C16orf78: variants seen among roughly 807,000 people sequenced by gnomAD.
The protein encoded by C16orf78 is uncharacterized protein C16orf78.
Under a neutral mutation model 27.3 loss-of-function variants are expected in C16orf78, and 19 were observed. The observed-to-expected ratio is 0.70, with a 90% CI of 0.49 to 1.02. C16orf78 has a LOEUF of 1.02. Among genes scored for constraint, C16orf78 ranks in the 50% least tolerant of loss-of-function variants. The pLI is 0.00. For synonymous variants in C16orf78, 130 were observed against 116.1 expected, an observed-to-expected ratio of 1.12 and a Z score of -0.77; for missense variants, 339 against 337.0, an observed-to-expected ratio of 1.01 and a Z score of -0.05.
At chr16:49,389,513 T>G (rs1181677798) in intron 3 of C16orf78, among the ~76,000 whole-genome samples, 1 of 152,062 alleles carries the variant, frequency 6.6e-6, no homozygotes, top group Non-Finnish European at 1.5e-5. Context: ...GGAGAATCAC[T>G]TGGACCTGGG....
At chr16:49,386,164 A>C (rs1965348284) in intron 3 of C16orf78, among the ~76,000 whole-genome samples, 1 of 152,256 alleles carries the variant, frequency 6.6e-6, no homozygotes, top group African/African-American at 2.4e-5. Flanking sequence ...ATAACAACTG[A>C]AATATTTATT....
chr16:49,381,103 C>G (rs2151611629), intron 3 of C16orf78, among the ~76,000 whole-genome samples: 1 of 152,226 alleles, frequency 6.6e-6, no homozygotes, highest in Admixed American at 6.5e-5. Context: ...TTAGGATTGA[C>G]TTGGCGATGC....
chr16:49,382,566 A>G (rs1282820715), intron 3 of C16orf78, among the ~76,000 whole-genome samples: 1 of 152,074 alleles, frequency 6.6e-6, no homozygotes, highest in Admixed American at 6.5e-5. Flanking sequence ...CCCTAGTTAC[A>G]TGTCTTTGCA....
intron 3 of C16orf78, among the ~76,000 whole-genome samples, chr16:49,394,083 C>A (rs2151615799): frequency 6.6e-6 from 1 of 152,114 alleles, no homozygotes; most frequent in Non-Finnish European, 1.5e-5. Context: ...TTAACATTTT[C>A]CCACTAAAAA....
chr16:49,390,636 ATACTAGC>A lies in C16orf78; in HGVS notation c.395-5785_395-5779del, dbSNP rs1965401295. Among the ~76,000 whole-genome samples the A allele has an allele frequency of 3.3e-5, 5 of 152,354 alleles. No homozygotes were observed. The South Asian group carries it at 1.0e-3, about 32-fold the overall frequency. ...TTGGAGGGCATAACAAGAGTATGTC[ATACTAGC>A]TGTTGCCATGTTCTTGTCTACTAAT... On this transcript the variant is annotated intron_variant, in intron 3 of 4. Transcript: ENST00000299191.
rs545079182 is a variant in C16orf78 at position 49,382,180 on chromosome 16, C to T, written c.394+3587C>T. 1.2e-4 allele frequency among the ~76,000 whole-genome samples: 18 copies of T among 152,096 alleles called. No individual in the cohort carries two copies. The South Asian group carries it at 1.9e-3, about 16-fold the overall frequency. ...ATCGCAAGAACAAAAAACCAAACAC[C>T]GCATATTCTCACTCATAGGTGGGAA... On this transcript the variant is annotated intron_variant, in intron 3 of 4. Coordinates refer to ENST00000299191, the MANE Select transcript of C16orf78 (RefSeq NM_144602.4).
At chr16:49,383,064 GA>G (rs1965307413) in intron 3 of C16orf78, among the ~76,000 whole-genome samples, 1 of 152,312 alleles carries the variant, frequency 6.6e-6, no homozygotes, top group African/African-American at 2.4e-5. Flanking sequence ...CATTCAAGTC[GA>G]ATCCACTCTA....
rs188534922 is a variant in C16orf78 at position 49,375,653 on chromosome 16, G to A, written c.150+1564G>A. 1.7e-3 allele frequency among the ~76,000 whole-genome samples: 259 copies of A among 152,228 alleles called. 2 individuals carry two copies. The highest frequency in any genetic ancestry group is 5.8e-3 in the African/African-American group (240 of 41,538). ...AGATTACAACTTGACATGAGATTTGGGGAGAGACGCAGATCCAAACCATAC... is the reference window on the plus strand; with the variant it reads ...AGATTACAACTTGACATGAGATTTGAGGAGAGACGCAGATCCAAACCATAC... On this transcript the variant is annotated intron_variant, in intron 1 of 4. Coordinates refer to ENST00000299191, the MANE Select transcript of C16orf78 (RefSeq NM_144602.4).
intron 3 of C16orf78, among the ~76,000 whole-genome samples, chr16:49,391,077 A>G (rs561972555): frequency 6.6e-6 from 1 of 152,242 alleles, no homozygotes; most frequent in Non-Finnish European, 1.5e-5. Context: ...GGCTGAAGGC[A>G]GAAGTCTCAG....
chr16:49,386,794 T>C (rs532525468), intron 3 of C16orf78, among the ~76,000 whole-genome samples: 1 of 152,350 alleles, frequency 6.6e-6, no homozygotes, highest in African/African-American at 2.4e-5. Context: ...TTTTTATGGC[T>C]GCATAGTATT....
chr16:49,388,237 T>C (rs1965373190), intron 3 of C16orf78, among the ~76,000 whole-genome samples: 1 of 152,182 alleles, frequency 6.6e-6, no homozygotes, highest in African/African-American at 2.4e-5. Context: ...TGGTTATTTC[T>C]TGTTTTCTGC....
At chr16:49,398,040 C>T (rs1965495545) in intron 4 of C16orf78, among the ~76,000 whole-genome samples, 1 of 152,188 alleles carries the variant, frequency 6.6e-6, no homozygotes, top group African/African-American at 2.4e-5. Context: ...TGCTGGATTA[C>T]AGATGTGAGC....
chr16:49,391,614 C>T (rs1017189898), intron 3 of C16orf78, among the ~76,000 whole-genome samples: 2 of 152,188 alleles, frequency 1.3e-5, no homozygotes, highest in African/African-American at 4.8e-5. Flanking sequence ...CAATGTTCTC[C>T]TTTGTCAAAT....
chr16:49,382,258 C>G (rs1311777978), intron 3 of C16orf78, among the ~76,000 whole-genome samples: 1 of 151,902 alleles, frequency 6.6e-6, no homozygotes, highest in Non-Finnish European at 1.5e-5. Context: ...ACTCTGGGGA[C>G]TGTTGTGGGG....
Position 49,378,455 on chromosome 16 carries a change from C to A in C16orf78, c.271-15C>A, listed in dbSNP as rs1326968055. On this transcript the variant is annotated splice_polypyrimidine_tract_variant and intron_variant, in intron 2 of 4. Coordinates refer to ENST00000299191, the MANE Select transcript of C16orf78 (RefSeq NM_144602.4). ...CCTGTAACTGGGGTGTGACTTCTCA[C>A]CTGCTCCCTCCAAGGCCTTAGGAAA... The A allele has an allele frequency of 1.3e-6, 2 of 1,562,164 alleles. No homozygotes were observed. The highest frequency in any genetic ancestry group is 1.7e-6 in the Non-Finnish European group (2 of 1,152,458).
chr16:49,377,702 T>C, intron 1 of C16orf78, 29 bp from the exon 2 acceptor site: 3 of 1,595,306 alleles, frequency 1.9e-6, no homozygotes, highest in Non-Finnish European at 2.6e-6. Flanking sequence ...CAGCAGTGGC[T>C]GCAGGGCTCT....
At chr16:49,374,770 T>C (rs1446697693) in intron 1 of C16orf78, among the ~76,000 whole-genome samples, 1 of 152,210 alleles carries the variant, frequency 6.6e-6, no homozygotes, top group African/African-American at 2.4e-5. Context: ...GAGCTAGTTC[T>C]AACCCACCCT....
intron 3 of C16orf78, among the ~76,000 whole-genome samples, chr16:49,391,083 C>A (rs1356373352): frequency 6.6e-6 from 1 of 152,178 alleles, no homozygotes; most frequent in Non-Finnish European, 1.5e-5. Context: ...AGGCAGAAGT[C>A]TCAGATTGGC....
rs974850717 is a variant in C16orf78, at chr16:49,384,984, C to G, written c.394+6391C>G. ...AATAAGAGGAAAGGACTTTCCCAAA[C>G]AAAGAGTGAGAGTTTTCATCACCAT... is the stretch of plus-strand genomic sequence containing the variant. On this transcript the variant is annotated intron_variant, in intron 3 of 4. Transcript: ENST00000299191. Among the ~76,000 whole-genome samples, 6 of 152,124 alleles carry G rather than the reference C, an allele frequency of 3.9e-5. 1 individual carries two copies. The highest frequency in any genetic ancestry group is 2.0e-4 in the Admixed American group (3 of 15,284).
Sources: allele counts gnomAD v4.1 joint callset (sites outside exome capture counted in the v4.1 genomes callset), GRCh38; gene constraint gnomAD v4.1.1; transcripts MANE v1.5; gene names NCBI Gene and HGNC (gene_info 2026-07-23, HGNC 2026-07-21).